Variants in CNTN5 observed in about 807,000 individuals in gnomAD.
CNTN5 encodes the protein contactin-5.
In CNTN5, 77 loss-of-function variants were observed where a neutral mutation model predicts 129.1. The ratio of observed to expected loss-of-function variants is 0.60; its 90% CI spans 0.50 to 0.72. CNTN5 has a LOEUF of 0.72. CNTN5 is among the 30% of genes least tolerant of loss of function. The probability of loss-of-function intolerance (pLI) is 0.00; values close to 1 mark genes in which losing one functional copy is unlikely to be tolerated. For synonymous variants in CNTN5, 509 were observed against 465.6 expected (o/e 1.09, Z -1.20); for missense variants, 1,478 against 1,328.8 (o/e 1.11, Z -1.75).
At chr11:99,031,658 A>C (rs1863379378) in intron 1 of CNTN5, among the ~76,000 whole-genome samples, 1 of 152,126 alleles carries the variant, frequency 6.6e-6, no homozygotes, top group Non-Finnish European at 1.5e-5. Context: ...CAAACCTGGA[A>C]TTGATATTTC....
chr11:100,225,799 A>G (rs139275848), intron 16 of CNTN5, among the ~76,000 whole-genome samples: 130 of 152,216 alleles, frequency 8.5e-4, no homozygotes, highest in Non-Finnish European at 1.1e-3. Context: ...GCAAGAAACT[A>G]TATTTTAGAT....
chr11:99,821,989 C>A (rs1351662451), intron 4 of CNTN5, among the ~76,000 whole-genome samples: 1 of 152,180 alleles, frequency 6.6e-6, no homozygotes. Context: ...TTTTATAAAT[C>A]TTAGCTAGAT....
chr11:99,621,406 C>T (rs1214999881), intron 3 of CNTN5, among the ~76,000 whole-genome samples: 1 of 151,792 alleles, frequency 6.6e-6, no homozygotes, highest in Non-Finnish European at 1.5e-5. Flanking sequence ...AAAAATATAT[C>T]AAAAAAGGAT....
chr11:100,273,993 A>G (rs1207948424), intron 18 of CNTN5, among the ~76,000 whole-genome samples: 1 of 152,214 alleles, frequency 6.6e-6, no homozygotes, highest in African/African-American at 2.4e-5. Context: ...TACAGTAACC[A>G]AAACAGCATG....
chr11:100,249,123 G>A (rs1185668776), intron 16 of CNTN5, among the ~76,000 whole-genome samples: 1 of 152,044 alleles, frequency 6.6e-6, no homozygotes, highest in African/African-American at 2.4e-5. Flanking sequence ...CTGTAACACT[G>A]CTAAATTAGT....
At chr11:99,880,036 C>G (rs1171611718) in intron 6 of CNTN5, among the ~76,000 whole-genome samples, 1 of 152,184 alleles carries the variant, frequency 6.6e-6, no homozygotes, top group Non-Finnish European at 1.5e-5. Flanking sequence ...TACTAGCCAA[C>G]CAGGTTTTTC....
At chr11:99,761,352 G>C (rs947547357) in intron 3 of CNTN5, among the ~76,000 whole-genome samples, 2 of 151,982 alleles carry the variant, frequency 1.3e-5, no homozygotes, top group Non-Finnish European at 2.9e-5. Context: ...TGCCATGCTG[G>C]TGCGCTGCAC....
At chr11:99,622,275 C>T (rs1034525190) in intron 3 of CNTN5, among the ~76,000 whole-genome samples, 6 of 152,084 alleles carry the variant, frequency 3.9e-5, no homozygotes, top group South Asian at 2.1e-4. Flanking sequence ...ATTTACAACA[C>T]GTGGCTGTCT....
intron 9 of CNTN5, among the ~76,000 whole-genome samples, chr11:100,060,967 A>AT (rs1009758829): frequency 1.2e-5 from 1 of 85,758 alleles, no homozygotes; most frequent in Non-Finnish European, 2.4e-5. Context: ...ATAAATCATA[A>AT]TTGGTTACAA....
At chr11:100,226,103 A>G (rs1370553365) in intron 16 of CNTN5, among the ~76,000 whole-genome samples, 1 of 152,100 alleles carries the variant, frequency 6.6e-6, no homozygotes, top group African/African-American at 2.4e-5. Flanking sequence ...TTACCTTATT[A>G]TAAAACACCA....
chr11:99,752,096 G>A (rs1001982599), intron 3 of CNTN5, among the ~76,000 whole-genome samples: 1 of 152,002 alleles, frequency 6.6e-6, no homozygotes, highest in Non-Finnish European at 1.5e-5. Flanking sequence ...AAATTACTCA[G>A]ACTAAGTTAT....
chr11:99,368,682 A>C (rs888171087), intron 2 of CNTN5, among the ~76,000 whole-genome samples: 1 of 152,306 alleles, frequency 6.6e-6, no homozygotes, highest in African/African-American at 2.4e-5. Flanking sequence ...TTCCTGTTGT[A>C]TTAGTCAGAA....
intron 3 of CNTN5, among the ~76,000 whole-genome samples, chr11:99,561,183 C>T (rs1948830181): frequency 6.6e-6 from 1 of 151,904 alleles, no homozygotes; most frequent in South Asian, 2.1e-4. Flanking sequence ...AACAAACAAA[C>T]CAAAACCAAA....
intron 2 of CNTN5, among the ~76,000 whole-genome samples, chr11:99,509,378 AT>A (rs1946749396): frequency 6.6e-6 from 1 of 152,200 alleles, no homozygotes; most frequent in African/African-American, 2.4e-5. Flanking sequence ...ATTTGATTTA[AT>A]TTAATAGAGG....
At chr11:100,270,175 C>T (rs1950384328) in intron 17 of CNTN5, among the ~76,000 whole-genome samples, 1 of 152,168 alleles carries the variant, frequency 6.6e-6, no homozygotes, top group Admixed American at 6.5e-5. Flanking sequence ...TGAGCATTCA[C>T]CTTTCACAGA....
chr11:100,233,785 C>A (rs142695640), intron 16 of CNTN5, among the ~76,000 whole-genome samples: 1 of 152,134 alleles, frequency 6.6e-6, no homozygotes, highest in African/African-American at 2.4e-5. Flanking sequence ...GTCAAAAAGT[C>A]TTTGCCCATG....
intron 2 of CNTN5, among the ~76,000 whole-genome samples, chr11:99,362,334 A>G (rs1309774632): frequency 1.3e-5 from 2 of 151,714 alleles, no homozygotes; most frequent in Admixed American, 1.3e-4. Context: ...TGGGTTGTTT[A>G]TTTTGTTATT....
intron 1 of CNTN5, among the ~76,000 whole-genome samples, chr11:99,253,163 A>G (rs1441024424): frequency 6.6e-6 from 1 of 152,072 alleles, no homozygotes; most frequent in African/African-American, 2.4e-5. Flanking sequence ...ATAACAGTGG[A>G]TAAGTAGTGA....
In CNTN5 at chr11:100,180,846, G is replaced by T. The variant is rs950208504; in HGVS notation, c.1581-10280G>T. On this transcript the variant is annotated intron_variant, in intron 13 of 24. Transcript: ENST00000524871. Reference sequence around the variant, plus strand: ...TGAAGAGACAGCAAGCACAGAAAAAGATTTTCAACATCATTACAATCAGAA... The same window carrying T: ...TGAAGAGACAGCAAGCACAGAAAAATATTTTCAACATCATTACAATCAGAA... 2.6e-5 allele frequency among the ~76,000 whole-genome samples: 4 copies of T among 151,982 alleles called. No individual in the cohort carries two copies. In the South Asian group the frequency reaches 8.3e-4, roughly 31 times the overall value.
Sources: gnomAD v4.1 joint callset for allele counts (sites outside exome capture counted in the v4.1 genomes callset) on GRCh38, gnomAD v4.1.1 for gene constraint, MANE v1.5 for transcripts, NCBI Gene and HGNC (gene_info 2026-07-23, HGNC 2026-07-21) for gene names.